Variants in STX3 observed in about 807,000 individuals in gnomAD.
The protein encoded by STX3 is syntaxin 3.
STX3 carries 19 observed loss-of-function variants against 40.2 expected under a neutral mutation model. That is an observed-to-expected ratio of 0.47 (90% CI 0.33 to 0.69). The LOEUF (loss-of-function observed/expected upper bound fraction) is 0.69, where lower values mean the gene tolerates loss of function less well. Among genes scored for constraint, STX3 ranks in the 30% least tolerant of loss-of-function variants. The probability of loss-of-function intolerance (pLI) is 0.02; values close to 1 mark genes in which losing one functional copy is unlikely to be tolerated. For synonymous variants in STX3, 122 were observed against 132.2 expected, an observed-to-expected ratio of 0.92 and a Z score of 0.53; for missense variants, 364 against 366.7, an observed-to-expected ratio of 0.99 and a Z score of 0.06.
intron 1 of STX3, among the ~76,000 whole-genome samples, chr11:59,764,416 G>A (rs989732260): frequency 1.1e-4 from 17 of 152,168 alleles, no homozygotes; most frequent in Non-Finnish European, 1.5e-5. Flanking sequence ...AAGAAACTGA[G>A]GCACAGAGAA....
chr11:59,781,263 A>T (rs1864363942), intron 2 of STX3: 2 of 1,359,916 alleles, frequency 1.5e-6, no homozygotes, highest in Admixed American at 1.7e-5. Flanking sequence ...CATTGAACTG[A>T]GCTTGGTCAT....
intron 1 of STX3, among the ~76,000 whole-genome samples, chr11:59,771,695 TC>T (rs1475629684): frequency 6.6e-6 from 1 of 152,064 alleles, no homozygotes; most frequent in East Asian, 1.9e-4. Flanking sequence ...GAATGGTGTG[TC>T]CAACTGCTTG....
intron 2 of STX3, among the ~76,000 whole-genome samples, chr11:59,782,236 C>T (rs1232514855): frequency 6.6e-6 from 1 of 152,204 alleles, no homozygotes; most frequent in Non-Finnish European, 1.5e-5. Flanking sequence ...CCACGCCCAA[C>T]ATGTAGAGTG....
At chr11:59,785,846 T>C (rs1198971229) in intron 2 of STX3, among the ~76,000 whole-genome samples, 1 of 152,238 alleles carries the variant, frequency 6.6e-6, no homozygotes, top group Non-Finnish European at 1.5e-5. Context: ...GTGAAGCAGA[T>C]AGACCCTACA....
rs1239985010 is a variant in STX3, at chr11:59,803,242, T to C, written c.*2418T>C. ...GAAGAAGATCATGATCATGATCTGC[T>C]GTATTATCCTTGCGATCATCTTAGC... On this transcript the variant is annotated 3_prime_UTR_variant, in exon 11 of 11. Coordinates refer to ENST00000337979, the MANE Select transcript of STX3 (RefSeq NM_004177.5). The C allele has an allele frequency of 1.7e-5, 21 of 1,231,608 alleles. No homozygotes were observed. The highest frequency in any genetic ancestry group is 2.1e-5 in the Non-Finnish European group (21 of 987,962). 76.3% of individuals were successfully genotyped at this position (1,231,608 alleles called of 1,614,324 possible). A position where few individuals can be genotyped will look rare whatever the true frequency, so the allele number is the denominator to read the frequency against.
chr11:59,767,447 GAAGAT>G (rs1470451287), intron 1 of STX3, among the ~76,000 whole-genome samples: 5 of 152,210 alleles, frequency 3.3e-5, no homozygotes, highest in Non-Finnish European at 5.9e-5. Context: ...CATGTGGGCT[GAAGAT>G]AAGGGCATTG....
intron 3 of STX3, 98 bp downstream of exon 3, chr11:59,787,234 T>C: frequency 9.9e-7 from 1 of 1,007,778 alleles, no homozygotes; most frequent in Non-Finnish European, 1.5e-6. Flanking sequence ...TAGGGAAGTG[T>C]ACAAGTTACA....
Position 59,795,477 on chromosome 11 carries a change from C to G in STX3, c.781C>G (p.Arg261Gly). ...KKAVKYQSQA[R>G]KKLIIIIVLV... ...AGCTGTGAAATACCAGAGTCAGGCC[C>G]GGAAGGTGAGACTCTCCTGTGGCCT... Residue 261 changes from arginine (R) to glycine (G), a missense_variant, in exon 9 of 11, where the codon CGG (arginine) becomes GGG (glycine). Arg to Gly is a moderately radical substitution (Grantham distance 125, BLOSUM62 -2). Transcript: ENST00000337979. 6.2e-7 allele frequency: 1 copy of G among 1,610,712 alleles called. No homozygotes were observed. Among genetic ancestry groups the G allele is most frequent in the Non-Finnish European group, 8.5e-7 (1 of 1,178,518 alleles).
chr11:59,775,011 CAA>C (rs1205268025), intron 2 of STX3, among the ~76,000 whole-genome samples: 1 of 152,190 alleles, frequency 6.6e-6, no homozygotes, highest in African/African-American at 2.4e-5. Context: ...GGAAAGAAAA[CAA>C]GAAGTATCGT....
At position 59,755,764 on chromosome 11, in the gene STX3, C is replaced by T. The variant is rs1033944197; in HGVS notation, c.30+129C>T. On this transcript the variant is annotated intron_variant, in intron 1 of 10. Transcript: ENST00000337979. ...GCTTGCCCTCCCCAAGCCCCCACCGCTTCCCGCGCCGGTTCCGCACCCTCC... is the reference window on the plus strand; with the variant it reads ...GCTTGCCCTCCCCAAGCCCCCACCGTTTCCCGCGCCGGTTCCGCACCCTCC... 82 of 1,279,322 alleles carry T rather than the reference C, an allele frequency of 6.4e-5. No individual in the cohort carries two copies. The Admixed American group carries it at 2.4e-3, about 37-fold the overall frequency. The allele number at this position is 1,279,322 out of a possible 1,614,324, so 79.2% of individuals were successfully genotyped here. A position where few individuals can be genotyped will look rare whatever the true frequency, so the allele number is the denominator to read the frequency against.
intron 2 of STX3, among the ~76,000 whole-genome samples, chr11:59,786,540 G>A (rs1186650532): frequency 6.6e-6 from 1 of 151,466 alleles, no homozygotes; most frequent in Non-Finnish European, 1.5e-5. Context: ...ATGAACCACC[G>A]CGCCTGGCCT....
intron 2 of STX3, among the ~76,000 whole-genome samples, chr11:59,779,760 A>C (rs988581868): frequency 1.3e-5 from 2 of 151,638 alleles, no homozygotes; most frequent in Non-Finnish European, 2.9e-5. Context: ...AGTGCAGCAG[A>C]GCCTGGCTGG....
intron 2 of STX3, among the ~76,000 whole-genome samples, chr11:59,786,278 C>T (rs1354735815): frequency 7.0e-6 from 1 of 142,760 alleles, no homozygotes; most frequent in Non-Finnish European, 1.5e-5. Context: ...CTCGCTGTGT[C>T]GTCCAGGCTG....
At chr11:59,769,341 C>T (rs957516542) in intron 1 of STX3, among the ~76,000 whole-genome samples, 1 of 152,074 alleles carries the variant, frequency 6.6e-6, no homozygotes, top group African/African-American at 2.4e-5. Context: ...CATGTAGACC[C>T]ACATCTTTTC....
intron 2 of STX3, among the ~76,000 whole-genome samples, chr11:59,781,124 T>A (rs1864353410): frequency 6.8e-6 from 1 of 146,010 alleles, no homozygotes; most frequent in African/African-American, 2.6e-5. Context: ...ACACATTTAT[T>A]TATTAACCAA....
intron 5 of STX3, 74 bp downstream of exon 5, chr11:59,790,660 T>G: frequency 8.9e-7 from 1 of 1,120,080 alleles, no homozygotes; most frequent in Non-Finnish European, 1.3e-6. Flanking sequence ...GAGGGATTTT[T>G]TTTTTTTAAT....
intron 1 of STX3, among the ~76,000 whole-genome samples, chr11:59,761,711 C>A (rs1380676505): frequency 6.6e-6 from 1 of 152,094 alleles, no homozygotes. Context: ...CAGTCTCCAT[C>A]TGGAAACTGA....
chr11:59,784,380 C>T (rs2134981505), intron 2 of STX3, among the ~76,000 whole-genome samples: 1 of 152,248 alleles, frequency 6.6e-6, no homozygotes, highest in East Asian at 1.9e-4. Flanking sequence ...ATTGCTTTGG[C>T]AAGACAGTTA....
At chr11:59,763,652 A>T (rs1863146657) in intron 1 of STX3, among the ~76,000 whole-genome samples, 1 of 152,218 alleles carries the variant, frequency 6.6e-6, no homozygotes, top group Non-Finnish European at 1.5e-5. Flanking sequence ...TCCATATTGG[A>T]AATGTAAGAA....
Sources: gnomAD v4.1 joint callset for allele counts (sites outside exome capture counted in the v4.1 genomes callset) on GRCh38, gnomAD v4.1.1 for gene constraint, MANE v1.5 for transcripts, NCBI Gene and HGNC (gene_info 2026-07-23, HGNC 2026-07-21) for gene names.